UBE2E1: variants seen among roughly 807,000 people sequenced by gnomAD.
UBE2E1 encodes the protein ubiquitin-conjugating enzyme E2 E1.
In UBE2E1, 6 loss-of-function variants were observed where a neutral mutation model predicts 21.4. The observed-to-expected ratio is 0.28, with a 90% CI of 0.15 to 0.55. The LOEUF (loss-of-function observed/expected upper bound fraction) is 0.55, where lower values mean the gene tolerates loss of function less well. Among genes scored for constraint, UBE2E1 ranks in the 20% least tolerant of loss-of-function variants. UBE2E1 has a pLI of 0.93. For missense variants in UBE2E1, 142 were observed against 236.5 expected (o/e 0.60, Z 2.62); for synonymous variants, 87 against 82.7 (o/e 1.05, Z -0.28).
intron 3 of UBE2E1, among the ~76,000 whole-genome samples, chr3:23,817,439 GA>G (rs71620796): frequency 1.3e-5 from 1 of 77,578 alleles, no homozygotes; most frequent in Non-Finnish European, 2.9e-5. Context: ...AAAAAAAAAA[GA>G]AAGAAAAGAA....
chr3:23,841,363 G>GT lies in UBE2E1; in HGVS notation c.203+29863dup, dbSNP rs1019433493. 2.8e-3 allele frequency among the ~76,000 whole-genome samples: 416 copies of GT among 148,646 alleles called. 3 individuals carry two copies. Among genetic ancestry groups the GT allele is most frequent in the African/African-American group, 9.0e-3 (366 of 40,600 alleles). Reference sequence around the variant, plus strand: ...CATTAGAATTTTTAATTGTTTTAGGGTTTTTTTTTTAAGAATAGATGATTG... The same window carrying GT: ...CATTAGAATTTTTAATTGTTTTAGGGTTTTTTTTTTTAAGAATAGATGATTG... On this transcript the variant is annotated intron_variant, in intron 3 of 5. Coordinates refer to ENST00000306627, the MANE Select transcript of UBE2E1 (RefSeq NM_003341.5).
intron 3 of UBE2E1, among the ~76,000 whole-genome samples, chr3:23,841,005 G>A (rs1048833075): frequency 6.6e-6 from 1 of 152,172 alleles, no homozygotes; most frequent in Non-Finnish European, 1.5e-5. Flanking sequence ...TACCATCTTG[G>A]TTAGAAGCTG....
chr3:23,839,894 A>C (rs764281453), intron 3 of UBE2E1, among the ~76,000 whole-genome samples: 4 of 152,010 alleles, frequency 2.6e-5, no homozygotes, highest in Non-Finnish European at 4.4e-5. Context: ...TTAGATTATG[A>C]TATACCTTTT....
In UBE2E1 at chr3:23,842,198, G is replaced by GTGTGTGTGTGTGTGT. The variant is rs1553637705; in HGVS notation, c.203+30688_203+30689insTGTGTGTGTGTGTGT. Among the ~76,000 whole-genome samples, 829 of 104,370 alleles carry GTGTGTGTGTGTGTGT rather than the reference G, an allele frequency of 7.9e-3. 23 individuals are homozygous for GTGTGTGTGTGTGTGT. The highest frequency in any genetic ancestry group is 0.012 in the Non-Finnish European group (586 of 50,896). 68.5% of individuals were successfully genotyped at this position (104,370 alleles called of 152,430 possible). A position where few individuals can be genotyped will look rare whatever the true frequency, so the allele number is the denominator to read the frequency against. On this transcript the variant is annotated intron_variant, in intron 3 of 5. Coordinates refer to ENST00000306627, the MANE Select transcript of UBE2E1 (RefSeq NM_003341.5). This position sits in a 1 kb window ranked among gnomAD's most constrained non-coding sequence, Gnocchi z 4.6. The stretch of plus-strand genomic sequence containing the variant: ...TATGTCATGACCCAGTAAGTGAAGG[G>GTGTGTGTGTGTGTGT]GTGTGTGTGTGTGTGTGTGTGTGTG...
rs1272040717 is a variant in UBE2E1, at chr3:23,808,735, C to T, written c.152+1314C>T. 1 of 152,138 alleles carries T rather than the reference C, an allele frequency of 6.6e-6. No homozygotes were observed. The highest frequency in any genetic ancestry group is 2.1e-4 in the South Asian group (1 of 4,826). The allele number at this position is 152,138 out of a possible 1,614,324, so 9.4% of individuals were successfully genotyped here. A position where few individuals can be genotyped will look rare whatever the true frequency, so the allele number is the denominator to read the frequency against. On this transcript the variant is annotated intron_variant, in intron 2 of 5. Coordinates refer to ENST00000306627, the MANE Select transcript of UBE2E1 (RefSeq NM_003341.5). The surrounding 1 kb of genome is among the most constrained non-coding windows in gnomAD (Gnocchi z 4.9). ...CAGCTTCTCAGGAGGCCTGACTGAC[C>T]CTCACTGATTAGCCCTGTGCGGTTT...
At position 23,822,872 on chromosome 3, in the gene UBE2E1, A is replaced by G. The variant is rs902441149; in HGVS notation, c.203+11362A>G. Among the ~76,000 whole-genome samples, 107 of 121,780 alleles carry G rather than the reference A, an allele frequency of 8.8e-4. 1 individual carries two copies. The highest frequency in any genetic ancestry group is 3.3e-3 in the African/African-American group (104 of 31,460). 79.9% of individuals were successfully genotyped at this position (121,780 alleles called of 152,430 possible). On this transcript the variant is annotated intron_variant, in intron 3 of 5. Transcript: ENST00000306627. ...CCCGCCACCGCCCTTCCAGAGACGG[A>G]GCCTTGCTCTGTCGCCCAGGCTGGA...
At chr3:23,859,522 C>T (rs1038523024) in intron 3 of UBE2E1, among the ~76,000 whole-genome samples, 6 of 152,212 alleles carry the variant, frequency 3.9e-5, no homozygotes, top group African/African-American at 1.4e-4. Flanking sequence ...GAAACATTAG[C>T]CCAAATGAAG....
chr3:23,879,873 T>C (rs1700998248), intron 3 of UBE2E1, among the ~76,000 whole-genome samples: 2 of 152,244 alleles, frequency 1.3e-5, no homozygotes, highest in African/African-American at 4.8e-5. Context: ...ATCTGAACTA[T>C]GGTTTATGTG....
chr3:23,825,208 G>A (rs1354097765), intron 3 of UBE2E1, among the ~76,000 whole-genome samples: 1 of 152,124 alleles, frequency 6.6e-6, no homozygotes, highest in Non-Finnish European at 1.5e-5. Flanking sequence ...AGGTGGGGTG[G>A]GCAGGGCAGT....
At position 23,879,175 on chromosome 3, in the gene UBE2E1, C is replaced by T. The variant is rs1700981734; in HGVS notation, c.204-8392C>T. The T allele has an allele frequency of 5.1e-6, 4 of 791,268 alleles. No homozygotes were observed. The Admixed American group carries it at 5.9e-5, about 12-fold the overall frequency. 49.0% of individuals were successfully genotyped at this position (791,268 alleles called of 1,614,324 possible). ...ATTTTATGAAGTTAAGTTTTAGTTT[C>T]TTCCATCCTTCCACATCTAGAGTCC... On this transcript the variant is annotated intron_variant, in intron 3 of 5. Coordinates refer to ENST00000306627, the MANE Select transcript of UBE2E1 (RefSeq NM_003341.5).
rs1699369709 is a variant in UBE2E1 at position 23,810,710 on chromosome 3, C to T, written c.153-750C>T. On this transcript the variant is annotated intron_variant, in intron 2 of 5. Transcript: ENST00000306627. This position sits in a 1 kb window ranked among gnomAD's most constrained non-coding sequence, Gnocchi z 5.8. ...GGTTCTGGGCGCCGGGAGAGGAGAG[C>T]TGGGGCGGCGCGGAGCAGCCCCCGT... 2 of 523,564 alleles carry T rather than the reference C, an allele frequency of 3.8e-6. No individual in the cohort carries two copies. The highest frequency in any genetic ancestry group is 6.4e-6 in the Non-Finnish European group (2 of 310,830). 32.4% of individuals were successfully genotyped at this position (523,564 alleles called of 1,614,324 possible). A position where few individuals can be genotyped will look rare whatever the true frequency, so the allele number is the denominator to read the frequency against.
At chr3:23,864,308 T>C (rs1158278256) in intron 3 of UBE2E1, among the ~76,000 whole-genome samples, 2 of 152,100 alleles carry the variant, frequency 1.3e-5, no homozygotes, top group African/African-American at 4.8e-5. Flanking sequence ...TCAGTTTTCC[T>C]CCAATGTACT....
chr3:23,823,901 C>T lies in UBE2E1; in HGVS notation c.203+12391C>T, dbSNP rs1430639429. On this transcript the variant is annotated intron_variant, in intron 3 of 5. Coordinates refer to ENST00000306627, the MANE Select transcript of UBE2E1 (RefSeq NM_003341.5). The surrounding 1 kb of genome is among the most constrained non-coding windows in gnomAD (Gnocchi z 4.2). ...AAGTCTTCAGAATGCCTAACTTCAT[C>T]CTTCAGGGAGACTGGTAGCCCCCGA... Among the ~76,000 whole-genome samples the T allele has an allele frequency of 1.3e-5, 2 of 152,184 alleles. No homozygotes were observed. The highest frequency in any genetic ancestry group is 2.9e-5 in the Non-Finnish European group (2 of 68,030).
At chr3:23,832,427 C>T (rs1208870785) in intron 3 of UBE2E1, among the ~76,000 whole-genome samples, 4 of 152,112 alleles carry the variant, frequency 2.6e-5, no homozygotes, top group Admixed American at 6.5e-5. Flanking sequence ...GGCAGATCAC[C>T]TGAGCTCGGG....
In UBE2E1 at chr3:23,810,549, A is replaced by T. The variant is rs141290761; in HGVS notation, c.153-911A>T. ...AGCAGGTCCGGGGAGGTGGGCCGAG[A>T]GTCCCGGCCAGCGTGCGGGGCGGAG... On this transcript the variant is annotated intron_variant, in intron 2 of 5. Transcript: ENST00000306627. This position sits in a 1 kb window ranked among gnomAD's most constrained non-coding sequence, Gnocchi z 5.8. 892 of 1,530,758 alleles carry T rather than the reference A, an allele frequency of 5.8e-4. 5 individuals are homozygous for T. In the African/African-American group the frequency reaches 0.011, roughly 19 times the overall value. The allele number at this position is 1,530,758 out of a possible 1,614,324, so 94.8% of individuals were successfully genotyped here.
intron 3 of UBE2E1, among the ~76,000 whole-genome samples, chr3:23,874,967 A>T (rs962406438): frequency 3.9e-5 from 6 of 152,268 alleles, no homozygotes; most frequent in African/African-American, 1.4e-4. Context: ...CTGTACTAAT[A>T]ACTCCTCATT....
At position 23,876,599 on chromosome 3, in the gene UBE2E1, A is replaced by G. The variant is rs1332621465; in HGVS notation, c.204-10968A>G. Among the ~76,000 whole-genome samples, 1 of 152,014 alleles carries G rather than the reference A, an allele frequency of 6.6e-6. No homozygotes were observed. Among genetic ancestry groups the G allele is most frequent in the Non-Finnish European group, 1.5e-5 (1 of 68,016 alleles). ...AATTGGATTTTTTTTTCATATAAGCATTTTGTAAATTCAGTTTTGGGTTTT... is the reference window on the plus strand; with the variant it reads ...AATTGGATTTTTTTTTCATATAAGCGTTTTGTAAATTCAGTTTTGGGTTTT... On this transcript the variant is annotated intron_variant, in intron 3 of 5. Transcript: ENST00000306627. This position sits in a 1 kb window ranked among gnomAD's most constrained non-coding sequence, Gnocchi z 4.3.
chr3:23,872,808 G>T (rs756550485), intron 3 of UBE2E1, among the ~76,000 whole-genome samples: 1 of 152,200 alleles, frequency 6.6e-6, no homozygotes, highest in Non-Finnish European at 1.5e-5. Context: ...CATGAGGTCA[G>T]GAGATCGAGA....
chr3:23,815,756 T>C (rs575449887), intron 3 of UBE2E1, among the ~76,000 whole-genome samples: 8 of 152,246 alleles, frequency 5.3e-5, no homozygotes, highest in African/African-American at 1.9e-4. Context: ...TCATCCTTTA[T>C]AAAACCCTGT....
Sources: allele counts gnomAD v4.1 joint callset (sites outside exome capture counted in the v4.1 genomes callset), GRCh38; gene constraint gnomAD v4.1.1; non-coding constraint Gnocchi (gnomAD v3.1); transcripts MANE v1.5; gene names NCBI Gene and HGNC (gene_info 2026-07-23, HGNC 2026-07-21).